Variants in DNER observed in about 807,000 individuals in gnomAD.
DNER encodes the protein delta and Notch-like epidermal growth factor-related receptor.
A neutral mutation model predicts 78.2 loss-of-function variants in DNER; 33 were observed. The ratio of observed to expected loss-of-function variants is 0.42; its 90% CI spans 0.32 to 0.56. The LOEUF (loss-of-function observed/expected upper bound fraction) is 0.56. DNER is among the 20% of genes least tolerant of loss of function. The pLI, the probability that DNER is intolerant of heterozygous loss-of-function variation, is 0.11. For missense variants in DNER, 918 were observed against 975.3 expected (o/e 0.94, Z 0.78); for synonymous variants, 417 against 384.8 (o/e 1.08, Z -0.98).
chr2:229,598,503 T>C (rs1220858774), intron 1 of DNER, among the ~76,000 whole-genome samples: 1 of 152,230 alleles, frequency 6.6e-6, no homozygotes, highest in African/African-American at 2.4e-5. Flanking sequence ...GGTATGCATG[T>C]CAGCTATTGG....
At chr2:229,466,558 C>G (rs990241064) in intron 7 of DNER, among the ~76,000 whole-genome samples, 2 of 152,148 alleles carry the variant, frequency 1.3e-5, no homozygotes, top group Admixed American at 1.3e-4. Context: ...CCTGATCATA[C>G]TGTCCATGCT....
intron 1 of DNER, among the ~76,000 whole-genome samples, chr2:229,694,982 C>T (rs1372984957): frequency 6.6e-6 from 1 of 152,142 alleles, no homozygotes; most frequent in Non-Finnish European, 1.5e-5. Context: ...CCCATAATCC[C>T]CATATGTTAC....
intron 1 of DNER, among the ~76,000 whole-genome samples, chr2:229,597,853 G>A (rs532313787): frequency 3.3e-5 from 5 of 152,198 alleles, no homozygotes; most frequent in East Asian, 1.9e-4. Flanking sequence ...CTTTTCACCC[G>A]TGTCAAATAA....
intron 5 of DNER, among the ~76,000 whole-genome samples, chr2:229,544,940 T>C (rs1696591385): frequency 6.6e-6 from 1 of 152,184 alleles, no homozygotes; most frequent in South Asian, 2.1e-4. Context: ...ATATTCCTTC[T>C]GTTAGTCCCC....
intron 1 of DNER, among the ~76,000 whole-genome samples, chr2:229,701,498 A>G (rs923319842): frequency 4.6e-5 from 7 of 152,178 alleles, no homozygotes; most frequent in African/African-American, 1.4e-4. Context: ...GTGCATCTGT[A>G]TTTTGCCTGG....
At chr2:229,658,550 A>G (rs532602570) in intron 1 of DNER, among the ~76,000 whole-genome samples, 5 of 152,342 alleles carry the variant, frequency 3.3e-5, no homozygotes, top group East Asian at 1.9e-4. Context: ...TTCCTTCAAC[A>G]TGAATTCATT....
chr2:229,460,211 C>T (rs1574853312), intron 7 of DNER, among the ~76,000 whole-genome samples: 1 of 126,240 alleles, frequency 7.9e-6, no homozygotes. Context: ...AAGGAATAAA[C>T]ATGTGCTACC....
At chr2:229,496,459 A>G (rs1695504518) in intron 6 of DNER, among the ~76,000 whole-genome samples, 1 of 152,222 alleles carries the variant, frequency 6.6e-6, no homozygotes, top group Admixed American at 6.5e-5. Context: ...TCACCTATCA[A>G]TAATTATTTT....
chr2:229,661,468 C>T (rs1392190272), intron 1 of DNER, among the ~76,000 whole-genome samples: 2 of 152,124 alleles, frequency 1.3e-5, no homozygotes, highest in African/African-American at 4.8e-5. Context: ...GATTTTAACT[C>T]ACCATTAGGA....
At chr2:229,709,233 T>G (rs1699876304) in intron 1 of DNER, among the ~76,000 whole-genome samples, 1 of 152,236 alleles carries the variant, frequency 6.6e-6, no homozygotes, top group Non-Finnish European at 1.5e-5. Flanking sequence ...TCTTGCATAC[T>G]TCTTTACACT....
intron 10 of DNER, among the ~76,000 whole-genome samples, chr2:229,403,058 C>A (rs923232044): frequency 6.6e-6 from 1 of 152,148 alleles, no homozygotes; most frequent in Admixed American, 6.5e-5. Context: ...CCTAAGAAAG[C>A]CAGTTTAATA....
At chr2:229,478,778 GT>G (rs1384396646) in intron 6 of DNER, among the ~76,000 whole-genome samples, 3 of 151,694 alleles carry the variant, frequency 2.0e-5, no homozygotes, top group Non-Finnish European at 2.9e-5. Context: ...TGAGGTTAGT[GT>G]TATTAGAATC....
chr2:229,672,980 C>G (rs6761364), intron 1 of DNER, among the ~76,000 whole-genome samples: 145,415 of 152,276 alleles, frequency 0.95, 69,804 homozygotes, highest in East Asian at 1. Flanking sequence ...GAGAGCCGCC[C>G]TGTGCACTGC....
At chr2:229,387,506 A>G (rs1482366969) in intron 11 of DNER, among the ~76,000 whole-genome samples, 1 of 85,060 alleles carries the variant, frequency 1.2e-5, no homozygotes, top group Non-Finnish European at 2.7e-5. Flanking sequence ...AAAGAAAGAA[A>G]GAGAGAAAGA....
intron 5 of DNER, among the ~76,000 whole-genome samples, chr2:229,529,006 G>T (rs890291884): frequency 3.9e-5 from 6 of 152,250 alleles, no homozygotes; most frequent in East Asian, 1.9e-4. Context: ...CTAATGTCAC[G>T]GAGTATATGT....
chr2:229,703,987 A>G (rs1336943846), intron 1 of DNER, among the ~76,000 whole-genome samples: 1 of 152,182 alleles, frequency 6.6e-6, no homozygotes, highest in Non-Finnish European at 1.5e-5. Flanking sequence ...CAAATCGCAT[A>G]TCAAGTAAGG....
chr2:229,520,867 T>C (rs1223060856), intron 5 of DNER, among the ~76,000 whole-genome samples: 2 of 152,202 alleles, frequency 1.3e-5, no homozygotes, highest in Non-Finnish European at 2.9e-5. Flanking sequence ...GGAACTAACA[T>C]GTTTTCTCCT....
At chr2:229,439,876 C>T (rs1450948469) in intron 8 of DNER, among the ~76,000 whole-genome samples, 2 of 152,216 alleles carry the variant, frequency 1.3e-5, no homozygotes, top group Non-Finnish European at 2.9e-5. Flanking sequence ...ATGATTTCTG[C>T]TGTCCTCACA....
At chr2:229,364,096 C>T (rs147862505) in intron 12 of DNER, among the ~76,000 whole-genome samples, 2,317 of 147,214 alleles carry the variant, frequency 0.016, 47 homozygotes, top group Middle Eastern at 0.029. Flanking sequence ...ATCTCTTGAC[C>T]TCATTATCCG....
Sources: gnomAD v4.1 joint callset for allele counts (sites outside exome capture counted in the v4.1 genomes callset) on GRCh38, gnomAD v4.1.1 for gene constraint, MANE v1.5 for transcripts, NCBI Gene and HGNC (gene_info 2026-07-23, HGNC 2026-07-21) for gene names.